Variants in ANAPC10 observed in about 807,000 individuals in gnomAD.
The protein encoded by ANAPC10 is anaphase-promoting complex subunit 10.
In ANAPC10, 12 loss-of-function variants were observed where a neutral mutation model predicts 22.0. That is an observed-to-expected ratio of 0.55 (90% CI 0.35 to 0.88). The LOEUF (loss-of-function observed/expected upper bound fraction) is 0.88. Ranked by LOEUF, ANAPC10 falls within the 40% of genes least tolerant of loss-of-function variation. The probability of loss-of-function intolerance (pLI) is 0.01; values close to 1 mark genes in which losing one functional copy is unlikely to be tolerated. For synonymous variants in ANAPC10, 65 were observed against 69.5 expected (o/e 0.94, Z 0.32); for missense variants, 188 against 220.9 (o/e 0.85, Z 0.94).
intron 2 of ANAPC10, among the ~76,000 whole-genome samples, chr4:145,091,414 C>G (rs1747660699): frequency 2.0e-5 from 3 of 151,920 alleles, no homozygotes; most frequent in African/African-American, 7.3e-5. Context: ...ACTAATAGAT[C>G]AAACAGTGAA....
intron 3 of ANAPC10, among the ~76,000 whole-genome samples, chr4:145,080,496 A>C (rs2126584648): frequency 6.6e-6 from 1 of 152,370 alleles, no homozygotes; most frequent in South Asian, 2.1e-4. Flanking sequence ...GCTGCAAAAC[A>C]GATGAGATGG....
At chr4:145,032,496 C>A (rs563177632) in intron 4 of ANAPC10, among the ~76,000 whole-genome samples, 2 of 152,328 alleles carry the variant, frequency 1.3e-5, no homozygotes, top group African/African-American at 4.8e-5. Context: ...CATATGAGTG[C>A]TCGCCAACAA....
chr4:145,091,527 G>A (rs937463355), intron 2 of ANAPC10, among the ~76,000 whole-genome samples: 9 of 152,016 alleles, frequency 5.9e-5, no homozygotes, highest in African/African-American at 9.7e-5. Flanking sequence ...TTTAAAAAAC[G>A]GGGGGAGGGG....
intron 4 of ANAPC10, among the ~76,000 whole-genome samples, chr4:145,003,583 T>C (rs1267161029): frequency 1.3e-5 from 2 of 152,182 alleles, no homozygotes; most frequent in African/African-American, 4.8e-5. Flanking sequence ...CCCAACACCA[T>C]TTATTGAATA....
intron 2 of ANAPC10, among the ~76,000 whole-genome samples, chr4:145,083,013 T>C (rs867814405): frequency 1.3e-5 from 2 of 152,202 alleles, no homozygotes; most frequent in Admixed American, 6.5e-5. Context: ...CAGTCATATA[T>C]GTATTCTTTC....
chr4:144,997,127 G>C (rs533374141), intron 4 of ANAPC10, among the ~76,000 whole-genome samples: 3 of 152,218 alleles, frequency 2.0e-5, no homozygotes, highest in Non-Finnish European at 4.4e-5. Context: ...ATACCTGAAA[G>C]TGACGGCCAG....
At chr4:145,049,590 G>GA (rs1560875682) in intron 4 of ANAPC10, among the ~76,000 whole-genome samples, 1 of 151,900 alleles carries the variant, frequency 6.6e-6, no homozygotes. Context: ...ATTTCTTTTT[G>GA]TTTTTTTGAG....
At chr4:145,050,882 A>G (rs1457047915) in intron 4 of ANAPC10, among the ~76,000 whole-genome samples, 1 of 152,208 alleles carries the variant, frequency 6.6e-6, no homozygotes, top group Non-Finnish European at 1.5e-5. Flanking sequence ...AGGCTACTCA[A>G]ACTTTCTCCA....
intron 4 of ANAPC10, among the ~76,000 whole-genome samples, chr4:145,033,553 T>A (rs1453812111): frequency 6.6e-6 from 1 of 152,188 alleles, no homozygotes; most frequent in Non-Finnish European, 1.5e-5. Context: ...AGGAAGAATA[T>A]GCATGGAATA....
chr4:145,042,936 A>G (rs1739731291), intron 4 of ANAPC10, among the ~76,000 whole-genome samples: 1 of 152,118 alleles, frequency 6.6e-6, no homozygotes, highest in African/African-American at 2.4e-5. Flanking sequence ...AACAAAATAA[A>G]GTGTTTTTAA....
intron 4 of ANAPC10, among the ~76,000 whole-genome samples, chr4:144,997,089 GA>G (rs933423787): frequency 6.6e-6 from 1 of 152,198 alleles, no homozygotes; most frequent in Non-Finnish European, 1.5e-5. Flanking sequence ...GGTACTATGT[GA>G]AAAGACCAAA....
intron 4 of ANAPC10, among the ~76,000 whole-genome samples, chr4:145,017,773 G>C (rs1257454617): frequency 1.3e-5 from 2 of 152,062 alleles, no homozygotes; most frequent in African/African-American, 2.4e-5. Flanking sequence ...ACACACCATG[G>C]AATACTATGC....
At chr4:144,998,089 T>G (rs1368410837) in intron 4 of ANAPC10, among the ~76,000 whole-genome samples, 3 of 152,140 alleles carry the variant, frequency 2.0e-5, no homozygotes, top group Admixed American at 2.0e-4. Context: ...AGCAAGTCCT[T>G]AGAGATCTAT....
At chr4:145,001,577 AGGAGAAGTTATGTAATG>A (rs1314588537) in intron 4 of ANAPC10, among the ~76,000 whole-genome samples, 10 of 152,226 alleles carry the variant, frequency 6.6e-5, no homozygotes, top group Non-Finnish European at 1.3e-4. Flanking sequence ...TACTAACATT[AGGAGAAGTTATGTAATG>A]GGTCACAAAA....
At chr4:145,010,672 G>C (rs564390806) in intron 4 of ANAPC10, among the ~76,000 whole-genome samples, 1 of 151,966 alleles carries the variant, frequency 6.6e-6, no homozygotes, top group African/African-American at 2.4e-5. Flanking sequence ...GGGGCCTGTC[G>C]TGGGGTGGGG....
chr4:145,045,028 A>C (rs1250905599), intron 4 of ANAPC10, among the ~76,000 whole-genome samples: 1 of 152,016 alleles, frequency 6.6e-6, no homozygotes, highest in Non-Finnish European at 1.5e-5. Flanking sequence ...TTATATGTTT[A>C]TACAACTAAA....
chr4:145,004,898 T>G (rs940787408), intron 4 of ANAPC10, among the ~76,000 whole-genome samples: 2 of 151,718 alleles, frequency 1.3e-5, no homozygotes, highest in Non-Finnish European at 3.0e-5. Flanking sequence ...TTCCTCAAAA[T>G]TTCAGTAGGA....
At chr4:145,012,880 G>C (rs897549483) in intron 4 of ANAPC10, among the ~76,000 whole-genome samples, 1 of 152,134 alleles carries the variant, frequency 6.6e-6, no homozygotes, top group Admixed American at 6.6e-5. Flanking sequence ...ATGGAGGGGG[G>C]CCTGGTGGGA....
intron 4 of ANAPC10, among the ~76,000 whole-genome samples, chr4:145,002,378 A>G (rs891475636): frequency 6.6e-6 from 1 of 152,090 alleles, no homozygotes; most frequent in African/African-American, 2.4e-5. Flanking sequence ...GCCCTAGTGA[A>G]GAAGGCGACC....
Sources: gnomAD v4.1 joint callset for allele counts (sites outside exome capture counted in the v4.1 genomes callset) on GRCh38, gnomAD v4.1.1 for gene constraint, MANE v1.5 for transcripts, NCBI Gene and HGNC (gene_info 2026-07-23, HGNC 2026-07-21) for gene names.